The following CDSN variants were observed in gnomAD, a reference collection of about 807,000 sequenced individuals.
The protein encoded by CDSN is corneodesmosin.
In CDSN, 11 loss-of-function variants were observed where a neutral mutation model predicts 25.6. The observed-to-expected ratio is 0.43, with a 90% confidence interval of 0.27 to 0.71. The LOEUF (loss-of-function observed/expected upper bound fraction) is 0.71. Among genes scored for constraint, CDSN ranks in the 30% least tolerant of loss-of-function variants. CDSN has a pLI of 0.20. For missense variants in CDSN, 598 were observed against 670.9 expected, an observed-to-expected ratio of 0.89 and a Z score of 1.20; for synonymous variants, 266 against 267.4, an observed-to-expected ratio of 0.99 and a Z score of 0.05.
rs910713730 is a variant in CDSN, at chr6:31,117,608, C to T, written c.86-79G>A. The T allele has an allele frequency of 2.5e-5, 31 of 1,231,892 alleles. No individual in the cohort carries two copies. The East Asian group carries it at 3.8e-4, about 15-fold the overall frequency. The allele number at this position is 1,231,892 out of a possible 1,614,324, so 76.3% of individuals were successfully genotyped here. ...CACCTTTCTGCCTTATCTCAGTCAT[C>T]GGCCTCTCGGGTTTCTCCCAAGCAG... On this transcript the variant is annotated intron_variant, in intron 1 of 1. Coordinates refer to ENST00000376288, the MANE Select transcript of CDSN (RefSeq NM_001264.5).
rs145637055 is a variant in CDSN, at chr6:31,116,937, G to A, written c.678C>T (p.Pro226=). Residue 226 remains proline, a synonymous_variant, in exon 2 of 2, where the codon CCC becomes CCT. Coordinates refer to ENST00000376288, the MANE Select transcript of CDSN (RefSeq NM_001264.5). ...GCGAGACGATGGGCCCTCCACTGCAGGGAGAGTCGGGGATGTCCGAACTAC... is the reference window on the plus strand; with the variant it reads ...GCGAGACGATGGGCCCTCCACTGCAAGGAGAGTCGGGGATGTCCGAACTAC... The part of the protein sequence containing the change: ...RPCSSDIPDS[P]CSGGPIVSHS... 8.4e-4 allele frequency: 1,356 copies of A among 1,614,216 alleles called. 1 individual carries two copies. Among genetic ancestry groups the A allele is most frequent in the Middle Eastern group, 2.5e-3 (15 of 6,062 alleles).
intron 1 of CDSN, 196 bp from the exon 2 acceptor site, chr6:31,117,725 G>A: frequency 1.6e-6 from 1 of 607,094 alleles, no homozygotes; most frequent in Admixed American, 2.9e-5. Flanking sequence ...GCATTTCTTT[G>A]TTTGGGAAGG....
intron 1 of CDSN, among the ~76,000 whole-genome samples, chr6:31,120,116 A>G (rs1772375191): frequency 6.6e-6 from 1 of 152,120 alleles, no homozygotes; most frequent in African/African-American, 2.4e-5. Context: ...TTAATTTGAG[A>G]CACACAGACT....
intron 1 of CDSN, among the ~76,000 whole-genome samples, chr6:31,119,271 C>T (rs981510634): frequency 1.3e-5 from 2 of 152,218 alleles, no homozygotes; most frequent in African/African-American, 4.8e-5. Flanking sequence ...AAGAAATTCT[C>T]TGCATGCACC....
intron 1 of CDSN, 110 bp downstream of exon 1, chr6:31,120,225 C>T (rs1772379076): frequency 3.5e-6 from 3 of 858,554 alleles, no homozygotes; most frequent in Non-Finnish European, 3.8e-6. Context: ...AGGAGCAACC[C>T]CCAGACTCAA....
chr6:31,120,431 C>G lies in CDSN; in HGVS notation c.-12G>C. 6.4e-7 allele frequency: 1 copy of G among 1,568,540 alleles called. No individual in the cohort carries two copies. Among genetic ancestry groups the G allele is most frequent in the South Asian group, 1.2e-5 (1 of 85,272 alleles). On this transcript the variant is annotated 5_prime_UTR_variant, in exon 1 of 2. Transcript: ENST00000376288. ...CGAGACGAGCCCATCTCGGACTGCACGGCCTCCTGACTGATGGCAGCTCAA... is the reference window on the plus strand; with the variant it reads ...CGAGACGAGCCCATCTCGGACTGCAGGGCCTCCTGACTGATGGCAGCTCAA...
Position 31,116,983 on chromosome 6 carries a change from AC to A in CDSN, c.631del (p.Val211SerfsTer79). On this transcript the variant is annotated frameshift_variant, in exon 2 of 2. Coordinates refer to ENST00000376288, the MANE Select transcript of CDSN (RefSeq NM_001264.5). LOFTEE classifies it high-confidence loss of function. The part of the protein sequence containing the change: ...TFGVSSSGQS[V>X]SSNQRPCSSD... Reference sequence around the variant, plus strand: ...ACTACAGGGACGCTGGTTGGAGCTGACGCTTTGGCCACTGCTGGATACCCCA... The same window carrying A: ...ACTACAGGGACGCTGGTTGGAGCTGAGCTTTGGCCACTGCTGGATACCCCA... 6.2e-7 allele frequency: 1 copy of A among 1,614,170 alleles called. No homozygotes were observed. Among genetic ancestry groups the A allele is most frequent in the Non-Finnish European group, 8.5e-7 (1 of 1,180,018 alleles).
intron 1 of CDSN, chr6:31,117,997 G>A (rs146724732): frequency 1.8e-3 from 300 of 171,302 alleles, no homozygotes; most frequent in African/African-American, 5.9e-3. Flanking sequence ...GAACAAGTAG[G>A]TCTAAAAGAA....
Position 31,117,161 on chromosome 6 carries a change from T to C in CDSN, c.454A>G (p.Ser152Gly), listed in dbSNP as rs752840782. ...CTGCTGCTGCTGCTCGAATGAGAGC[T>C]GCTGCTTCCCGAGTGAGAGCCGCTG... Reference protein sequence around the residue: ...GNSGSHSGSSSSHSSSSSSFQ... With the variant: ...GNSGSHSGSSGSHSSSSSSFQ... Residue 152 changes from serine to glycine, a missense_variant, in exon 2 of 2, where the codon AGC becomes GGC. By Grantham distance (56) the Ser-to-Gly change is moderately conservative. Transcript: ENST00000376288. 1.4e-5 allele frequency: 22 copies of C among 1,606,164 alleles called. No homozygotes were observed. The Admixed American group carries it at 3.5e-4, about 26-fold the overall frequency.
rs145583110 is a variant in CDSN, at chr6:31,116,168, C to T, written c.1447G>A (p.Ala483Thr). The T allele has an allele frequency of 6.0e-3, 9,749 of 1,611,710 alleles. 73 individuals carry two copies. The highest frequency in any genetic ancestry group is 7.4e-3 in the Non-Finnish European group (8,752 of 1,178,576). The change falls in exon 2 of 2, where the codon GCC becomes ACC. Residue 483 changes from alanine to threonine, a missense_variant. Transcript: ENST00000376288. ...GSPHPDPSAG[A>T]KPCGSSSAGK... ...GCACTGCTGGAGCCACAGGGCTTGG[C>T]ACCAGCGGAGGGATCAGGATGGGGA...
rs1772183825 is a variant in CDSN, at chr6:31,117,086, G to T, written c.529C>A (p.Pro177Thr). 6.2e-7 allele frequency: 1 copy of T among 1,614,212 alleles called. No individual in the cohort carries two copies. The highest frequency in any genetic ancestry group is 1.1e-5 in the South Asian group (1 of 91,090). ...SFQVGNGSAL[P>T]TNDNSYRGIL... The stretch of plus-strand genomic sequence containing the variant: ...CCGCGGTAAGAGTTGTCATTGGTTG[G>T]CAGAGCAGAGCCATTCCCTACTTGG... Residue 177 changes from proline to threonine, a missense_variant, in exon 2 of 2, where the codon CCA becomes ACA. Physicochemically the swap from Pro to Thr is conservative, Grantham distance 38 (BLOSUM62 -1). Transcript: ENST00000376288.
chr6:31,117,485 C>G lies in CDSN; in HGVS notation c.130G>C (p.Asp44His), dbSNP rs1195365921. Residue 44 changes from aspartate (D) to histidine (H), a missense_variant, in exon 2 of 2, where the codon GAC (aspartate) becomes CAC (histidine). By Grantham distance (81) the Asp-to-His change is moderately conservative. Transcript: ENST00000376288. The stretch of plus-strand genomic sequence containing the variant: ...TTAGGGGAGGTGATACGCGTGGGGT[C>G]CTTACAAGGGTCTGAGAAGGTGCCA... ...SIGTFSDPCK[D>H]PTRITSPNDP... The G allele has an allele frequency of 1.3e-6, 2 of 1,552,366 alleles. No homozygotes were observed. The highest frequency in any genetic ancestry group is 4.9e-5 in the East Asian group (2 of 41,070).
rs1772123804 is a variant in CDSN at position 31,116,392 on chromosome 6, G to A, written c.1223C>T (p.Ser408Phe). The A allele has an allele frequency of 6.2e-7, 1 of 1,602,336 alleles. No homozygotes were observed. Among genetic ancestry groups the A allele is most frequent in the Non-Finnish European group, 8.5e-7 (1 of 1,174,364 alleles). ...VPSSSSISSS[S>F]GLPYHPCGSA... ...GCCGCAGGGATGGTAGGGTAAACCG[G>A]AGCTGCTGGAAATGCTAGAACTGCT... Residue 408 changes from serine to phenylalanine, a missense_variant, in exon 2 of 2, where the codon TCC becomes TTC. By Grantham distance (155) the Ser-to-Phe change is radical (BLOSUM62 -2). Coordinates refer to ENST00000376288, the MANE Select transcript of CDSN (RefSeq NM_001264.5).
In CDSN at chr6:31,116,822, G is replaced by A. The variant is rs759141071; in HGVS notation, c.793C>T (p.Pro265Ser). The change falls in exon 2 of 2, where the codon CCT becomes TCT. Residue 265 changes from proline (P) to serine (S), a missense_variant. Pro to Ser is a moderately conservative substitution (Grantham distance 74). Transcript: ENST00000376288. ...CAGGGGGGACCTTGAACCACTCCAG[G>A]GGCACCAGAACCGTGCTGGTCCACC... Reference protein sequence around the residue: ...VVVDQHGSGAPGVVQGPPCSN... With the variant: ...VVVDQHGSGASGVVQGPPCSN... The A allele has an allele frequency of 1.2e-6, 2 of 1,613,978 alleles. No individual in the cohort carries two copies. The highest frequency in any genetic ancestry group is 2.2e-5 in the East Asian group (1 of 44,872).
At chr6:31,119,659 G>C (rs1221372461) in intron 1 of CDSN, among the ~76,000 whole-genome samples, 2 of 152,222 alleles carry the variant, frequency 1.3e-5, no homozygotes, top group African/African-American at 4.8e-5. Context: ...AGCACCTTGG[G>C]AGGCTGAGGC....
In CDSN at chr6:31,116,204, G is replaced by A. The variant is rs1772104746; in HGVS notation, c.1411C>T (p.Pro471Ser). 1.2e-6 allele frequency: 2 copies of A among 1,613,726 alleles called. No individual in the cohort carries two copies. Among genetic ancestry groups the A allele is most frequent in the Non-Finnish European group, 1.7e-6 (2 of 1,179,788 alleles). ...GGATCAGGATGGGGAGAGCCATCGG[G>A]GCCCCCAGTCAGTGTCAAGGAGGAG... ...SVSSLTLTGG[P>S]DGSPHPDPSA... is the part of the protein sequence containing the mutation. The change falls in exon 2 of 2, where the codon CCC (proline) becomes TCC (serine). Residue 471 changes from proline to serine, a missense_variant. Physicochemically the swap from Pro to Ser is moderately conservative, Grantham distance 74. Transcript: ENST00000376288.
Position 31,116,601 on chromosome 6 carries a change from G to A in CDSN, c.1014C>T (p.Ser338=). The stretch of plus-strand genomic sequence containing the variant: ...CAGAGATGGGGGGCCCAGCTGCAAA[G>A]GAAGGGACCCCTGGAGAGCCTTTCA... ...NPVKGSPGVP[S]FAAGPPISEG... The change falls in exon 2 of 2, where the codon TCC becomes TCT. Residue 338 remains serine, a synonymous_variant. Transcript: ENST00000376288. 4 of 1,613,570 alleles carry A rather than the reference G, an allele frequency of 2.5e-6. No homozygotes were observed. Among genetic ancestry groups the A allele is most frequent in the African/African-American group, 1.3e-5 (1 of 75,018 alleles).
rs1772108157 is a variant in CDSN, at chr6:31,116,256, G to C, written c.1359C>G (p.Ser453Arg). 6.2e-6 allele frequency: 10 copies of C among 1,614,008 alleles called. No homozygotes were observed. The highest frequency in any genetic ancestry group is 8.5e-6 in the Non-Finnish European group (10 of 1,180,000). Residue 453 changes from serine to arginine, a missense_variant, in exon 2 of 2, where the codon AGC becomes AGG. Ser to Arg is a moderately radical substitution (Grantham distance 110, BLOSUM62 -1). Transcript: ENST00000376288. Reference sequence around the variant, plus strand: ...CAGACATGCAAGGGTGACCAGAAGAGCTGGACTTGCTGCCACAAGGCTGAA... The same window carrying C: ...CAGACATGCAAGGGTGACCAGAAGACCTGGACTTGCTGCCACAAGGCTGAA... ...IILQPCGSKSSSSGHPCMSVS... is the reference protein window; with the variant it reads ...IILQPCGSKSRSSGHPCMSVS...
At chr6:31,118,840 C>CTTTTT (rs199861968) in intron 1 of CDSN, 5 of 124,938 alleles carry the variant, frequency 4.0e-5, no homozygotes, top group Middle Eastern at 4.3e-3. Context: ...TTTTCTTCTT[C>CTTTTT]TTCTTTTTTT....
Sources: allele counts gnomAD v4.1 joint callset (sites outside exome capture counted in the v4.1 genomes callset), GRCh38; gene constraint gnomAD v4.1.1; transcripts MANE v1.5; gene names NCBI Gene and HGNC (gene_info 2026-07-23, HGNC 2026-07-21).